The following RB1 variants were observed in gnomAD, a reference collection of about 807,000 sequenced individuals.
RB1 encodes RB transcriptional corepressor 1.
A neutral mutation model predicts 135.4 loss-of-function variants in RB1; 18 were observed. That is an observed-to-expected ratio of 0.13 (90% CI 0.09 to 0.20). The LOEUF is 0.20. RB1 is among the 10% of genes least tolerant of loss of function. The pLI is 1.00. For missense variants in RB1, 868 were observed against 1,110.0 expected (o/e 0.78, Z 3.10); for synonymous variants, 365 against 373.2 (o/e 0.98, Z 0.25).
intron 3 of RB1, among the ~76,000 whole-genome samples, chr13:48,344,402 C>T (rs1952473923): frequency 6.6e-6 from 1 of 151,992 alleles, no homozygotes; most frequent in Admixed American, 6.6e-5. Context: ...TGTGTGGGGG[C>T]AACCTGATGG....
At chr13:48,307,063 C>CA (rs1952086925) in intron 1 of RB1, among the ~76,000 whole-genome samples, 1 of 152,122 alleles carries the variant, frequency 6.6e-6, no homozygotes, top group Non-Finnish European at 1.5e-5. Context: ...AAATATTTTT[C>CA]ACTGTGTGGT....
chr13:48,439,089 G>A (rs1006325772), intron 17 of RB1, among the ~76,000 whole-genome samples: 1 of 152,104 alleles, frequency 6.6e-6, no homozygotes, highest in East Asian at 1.9e-4. Context: ...GTAAGCAAAG[G>A]AACGTGACTC....
At chr13:48,372,581 G>A (rs189857847) in intron 11 of RB1, among the ~76,000 whole-genome samples, 1 of 152,078 alleles carries the variant, frequency 6.6e-6, no homozygotes, top group Admixed American at 6.5e-5. Flanking sequence ...AACCCGGGAA[G>A]TGGAGGTTGC....
chr13:48,321,589 CT>C (rs1208168660), intron 2 of RB1, among the ~76,000 whole-genome samples: 1 of 152,032 alleles, frequency 6.6e-6, no homozygotes, highest in Middle Eastern at 3.2e-3. Flanking sequence ...GGCGCGGTGG[CT>C]CACGTCTGTA....
intron 17 of RB1, among the ~76,000 whole-genome samples, chr13:48,433,191 T>A (rs971548911): frequency 6.6e-6 from 1 of 152,154 alleles, no homozygotes; most frequent in Non-Finnish European, 1.5e-5. Context: ...CGTGACTTAT[T>A]AGAAATAGAT....
chr13:48,479,210 A>G (rs915572061), intron 26 of RB1, among the ~76,000 whole-genome samples: 5 of 152,120 alleles, frequency 3.3e-5, no homozygotes, highest in African/African-American at 1.2e-4. Context: ...CTTGGGCAAC[A>G]GAGCAAGACC....
intron 17 of RB1, among the ~76,000 whole-genome samples, chr13:48,384,316 G>A (rs1223467672): frequency 6.6e-6 from 1 of 152,104 alleles, no homozygotes; most frequent in Non-Finnish European, 1.5e-5. Context: ...AAAACCTTGA[G>A]TGGTAGTGGA....
At chr13:48,312,208 AC>A (rs1952137471) in intron 2 of RB1, among the ~76,000 whole-genome samples, 1 of 151,954 alleles carries the variant, frequency 6.6e-6, no homozygotes, top group South Asian at 2.1e-4. Flanking sequence ...TTTGATTTTA[AC>A]CTATTTCTTT....
chr13:48,409,066 T>C (rs1391750889), intron 17 of RB1, among the ~76,000 whole-genome samples: 1 of 152,042 alleles, frequency 6.6e-6, no homozygotes, highest in Non-Finnish European at 1.5e-5. Flanking sequence ...AGAAAACACA[T>C]TTATATTATG....
At chr13:48,307,236 A>G (rs1447632633) in intron 1 of RB1, 44 bp from the exon 2 acceptor site, 2 of 1,531,836 alleles carry the variant, frequency 1.3e-6, no homozygotes, top group East Asian at 2.3e-5. Context: ...AATCAATTTG[A>G]TTTATAAGTA....
intron 17 of RB1, among the ~76,000 whole-genome samples, chr13:48,420,233 T>C (rs1948984617): frequency 6.6e-6 from 1 of 152,156 alleles, no homozygotes; most frequent in South Asian, 2.1e-4. Flanking sequence ...TGGTTCAACA[T>C]ATGCAAATCA....
At chr13:48,337,197 G>A (rs1370423750) in intron 2 of RB1, among the ~76,000 whole-genome samples, 24 of 152,122 alleles carry the variant, frequency 1.6e-4, no homozygotes, top group Admixed American at 4.6e-4. Flanking sequence ...TATTAGGTCC[G>A]CTTGGTGCAG....
At chr13:48,304,084 A>G in intron 1 of RB1, 35 bp downstream of exon 1, 1 of 1,388,848 alleles carries the variant, frequency 7.2e-7, no homozygotes, top group Non-Finnish European at 9.3e-7. Flanking sequence ...CTCACGCGGG[A>G]AGGGCGCCCC....
chr13:48,388,816 T>C (rs917071056), intron 17 of RB1, among the ~76,000 whole-genome samples: 7 of 151,830 alleles, frequency 4.6e-5, no homozygotes, highest in Non-Finnish European at 1.0e-4. Flanking sequence ...ACAAAAGAGA[T>C]TGAAATAGAA....
chr13:48,327,730 A>G (rs1446503885), intron 2 of RB1, among the ~76,000 whole-genome samples: 1 of 152,202 alleles, frequency 6.6e-6, no homozygotes, highest in African/African-American at 2.4e-5. Context: ...AACTGCTTGC[A>G]GTTTTAAATA....
intron 4 of RB1, among the ~76,000 whole-genome samples, chr13:48,346,389 T>C (rs1472055842): frequency 6.6e-6 from 1 of 150,498 alleles, no homozygotes; most frequent in Non-Finnish European, 1.5e-5. Flanking sequence ...TGTGTGTGTG[T>C]GTGTGTGTGT....
intron 2 of RB1, chr13:48,317,872 G>A: frequency 2.5e-6 from 1 of 398,356 alleles, no homozygotes; most frequent in Non-Finnish European, 4.8e-6. Flanking sequence ...CAGCAACTCT[G>A]GCCTGAATGA....
At chr13:48,397,467 G>T (rs1948657442) in intron 17 of RB1, among the ~76,000 whole-genome samples, 2 of 152,124 alleles carry the variant, frequency 1.3e-5, no homozygotes, top group Admixed American at 1.3e-4. Flanking sequence ...CACATGGAGG[G>T]GAACATCACA....
At chr13:48,379,910 A>T in intron 14 of RB1, 143 bp from the exon 15 acceptor site, 1 of 807,414 alleles carries the variant, frequency 1.2e-6, no homozygotes, top group Non-Finnish European at 1.8e-6. Context: ...CAGTGAGCCA[A>T]GATTGTGCCA....
Sources: gnomAD v4.1 joint callset for allele counts (sites outside exome capture counted in the v4.1 genomes callset) on GRCh38, gnomAD v4.1.1 for gene constraint, MANE v1.5 for transcripts, NCBI Gene and HGNC (gene_info 2026-07-23, HGNC 2026-07-21) for gene names.